The following COL2A1 variants were observed in gnomAD, a reference collection of about 807,000 sequenced individuals.
The protein encoded by COL2A1 is collagen alpha-1(II) chain.
COL2A1 carries 28 observed loss-of-function variants against 204.5 expected under a neutral mutation model. The ratio of observed to expected loss-of-function variants is 0.14; its 90% CI spans 0.10 to 0.19. The LOEUF is 0.19. Among genes scored for constraint, COL2A1 ranks in the 10% least tolerant of loss-of-function variants. The pLI is 1.00. For missense variants in COL2A1, 1,388 were observed against 2,027.5 expected, an observed-to-expected ratio of 0.68 and a Z score of 6.06; for synonymous variants, 708 against 718.7, an observed-to-expected ratio of 0.99 and a Z score of 0.24.
intron 1 of COL2A1, among the ~76,000 whole-genome samples, chr12:48,002,416 CTG>C (rs1319408779): frequency 5.3e-5 from 8 of 152,168 alleles, no homozygotes; most frequent in Non-Finnish European, 8.8e-5. Flanking sequence ...TTTGGGTCCG[CTG>C]ACCCCAGGCG....
intron 10 of COL2A1, 102 bp from the exon 11 acceptor site, chr12:47,995,410 T>C (rs1393665702): frequency 1.2e-5 from 13 of 1,051,136 alleles, no homozygotes; most frequent in Non-Finnish European, 1.9e-5. Flanking sequence ...AGTTCTTCTA[T>C]GAAGAAGAAA....
At chr12:48,002,313 T>C (rs1449876406) in intron 1 of COL2A1, among the ~76,000 whole-genome samples, 1 of 152,126 alleles carries the variant, frequency 6.6e-6, no homozygotes, top group Admixed American at 6.6e-5. Context: ...TTTCTCAAAC[T>C]CGTGGAAAGA....
rs1555165204 is a variant in COL2A1 at position 47,977,428 on chromosome 12, C to T, written c.3166-1G>A. On this transcript the variant is annotated splice_acceptor_variant, in intron 45 of 53. Transcript: ENST00000380518. LOFTEE classifies it high-confidence loss of function. The stretch of plus-strand genomic sequence containing the variant: ...CAGCACCAGTCTCACCACGATCACC[C>T]TGTCAGGAGAGAGGTCTCAGGCTCA... 1 of 1,612,018 alleles carries T rather than the reference C, an allele frequency of 6.2e-7. No individual in the cohort carries two copies. The highest frequency in any genetic ancestry group is 8.5e-7 in the Non-Finnish European group (1 of 1,178,600).
chr12:47,986,501 C>T (rs1939420651), intron 22 of COL2A1, 58 bp from the exon 23 acceptor site: 1 of 1,142,512 alleles, frequency 8.8e-7, no homozygotes. Context: ...TGGAGCAAGC[C>T]TCGACTCAGA....
intron 40 of COL2A1, 38 bp from the exon 41 acceptor site, chr12:47,979,602 C>A (rs1938924578): frequency 1.3e-6 from 2 of 1,569,576 alleles, no homozygotes; most frequent in African/African-American, 1.4e-5. Context: ...AACCTCAAGC[C>A]CTCAGGAGGT....
chr12:47,983,047 G>A (rs757726792), intron 32 of COL2A1, 46 bp downstream of exon 32: 2 of 1,611,384 alleles, frequency 1.2e-6, no homozygotes, highest in South Asian at 2.2e-5. Flanking sequence ...ATAGGACCCA[G>A]GGCAGGCCCA....
Position 47,974,175 on chromosome 12 carries a change from G to A in COL2A1, c.4231C>T (p.Leu1411=), listed in dbSNP as rs141906099. 5.6e-6 allele frequency: 9 copies of A among 1,614,116 alleles called. No individual in the cohort carries two copies. The highest frequency in any genetic ancestry group is 3.3e-4 in the Middle Eastern group (2 of 6,084). ...ACGTCATTGGAGCCCTGGATGAGCA[G>A]GGCCTTCTTGAGGTTGCCAGCTGCT... ...DEAAGNLKKA[L]LIQGSNDVEI... is the part of the protein sequence containing the mutation. Residue 1411 remains leucine (L), a synonymous_variant, in exon 53 of 54, where the codon CTG becomes TTG. Transcript: ENST00000380518.
intron 32 of COL2A1, 48 bp downstream of exon 32, chr12:47,983,045 C>T: frequency 1.2e-6 from 2 of 1,610,528 alleles, no homozygotes; most frequent in Non-Finnish European, 8.5e-7. Context: ...GCATAGGACC[C>T]AGGGCAGGCC....
At chr12:47,992,618 G>T (rs985982085) in intron 16 of COL2A1, among the ~76,000 whole-genome samples, 1 of 152,154 alleles carries the variant, frequency 6.6e-6, no homozygotes, top group East Asian at 1.9e-4. Context: ...GTGGGTGGTG[G>T]TTGTTGAAGG....
chr12:47,990,046 C>T lies in COL2A1; in HGVS notation c.1024-241G>A, dbSNP rs181764401. Among the ~76,000 whole-genome samples, 1,022 of 152,218 alleles carry T rather than the reference C, an allele frequency of 6.7e-3. 7 individuals are homozygous for T. Among genetic ancestry groups the T allele is most frequent in the Non-Finnish European group, 8.5e-3 (581 of 68,006 alleles). On this transcript the variant is annotated intron_variant, in intron 16 of 53. Coordinates refer to ENST00000380518, the MANE Select transcript of COL2A1 (RefSeq NM_001844.5). Reference sequence around the variant, plus strand: ...TTTTTGAGACGGAGTCTGGCTCTGTCGCCAGGCTGGAGTGCAGTGGTGCGG... The same window carrying T: ...TTTTTGAGACGGAGTCTGGCTCTGTTGCCAGGCTGGAGTGCAGTGGTGCGG...
chr12:47,979,636 C>CG, intron 40 of COL2A1, 72 bp from the exon 41 acceptor site: 2 of 673,248 alleles, frequency 3.0e-6, no homozygotes, highest in Non-Finnish European at 4.6e-6. Flanking sequence ...GGGCGGGGGG[C>CG]GGGGGTGGTC....
rs769267684 is a variant in COL2A1, at chr12:47,973,519, T to C, written c.4352A>G (p.Glu1451Gly). The C allele has an allele frequency of 8.7e-6, 14 of 1,613,996 alleles. No homozygotes were observed. The highest frequency in any genetic ancestry group is 1.2e-5 in the Non-Finnish European group (14 of 1,180,034). The change falls in exon 54 of 54, where the codon GAG becomes GGG. Residue 1451 changes from glutamate (E) to glycine (G), a missense_variant. Physicochemically the swap from Glu to Gly is moderately conservative, Grantham distance 98. Coordinates refer to ENST00000380518, the MANE Select transcript of COL2A1 (RefSeq NM_001844.5). ...HTGKWGKTVIEYRSQKTSRLP... is the reference protein window; with the variant it reads ...HTGKWGKTVIGYRSQKTSRLP... ...GCGTGAGGTCTTCTGTGACCGGTAC[T>C]CGATAACAGTCTTGCCCCACTTACC...
chr12:47,985,779 T>G lies in COL2A1; in HGVS notation c.1629A>C (p.Gly543=). ...RGPSGLAGPK[G]ANGDPGRPGE... is the part of the protein sequence containing the mutation. ...CAGGACGGCCAGGGTCACCGTTGGC[T>G]CCCTTGGGGCCAGCAAGACCACTGG... The change falls in exon 25 of 54, where the codon GGA becomes GGC. Residue 543 remains glycine, a synonymous_variant. Transcript: ENST00000380518. 1 of 1,613,514 alleles carries G rather than the reference T, an allele frequency of 6.2e-7. No individual in the cohort carries two copies. Among genetic ancestry groups the G allele is most frequent in the Non-Finnish European group, 8.5e-7 (1 of 1,179,798 alleles).
intron 1 of COL2A1, chr12:48,002,959 C>A (rs2136647396): frequency 6.6e-6 from 1 of 152,382 alleles, no homozygotes; most frequent in Non-Finnish European, 1.5e-5. Flanking sequence ...AGCCTGGTGG[C>A]AGGAGAGGGC....
intron 23 of COL2A1, among the ~76,000 whole-genome samples, 156 bp from the exon 24 acceptor site, chr12:47,986,121 C>T (rs567297368): frequency 3.3e-5 from 5 of 152,242 alleles, no homozygotes; most frequent in Middle Eastern, 6.8e-3. Context: ...GAGCCTGCCC[C>T]GCTTCCTGGG....
rs774792988 is a variant in COL2A1, at chr12:47,975,613, A to G, written c.3598-8T>C. 4 of 1,599,074 alleles carry G rather than the reference A, an allele frequency of 2.5e-6. No homozygotes were observed. The highest frequency in any genetic ancestry group is 2.2e-5 in the East Asian group (1 of 44,882). Reference sequence around the variant, plus strand: ...AGGATTTCCAGGAGGACCCTGCAGCAGGAAACAGAGAGATCAGCCAGGATT... The same window carrying G: ...AGGATTTCCAGGAGGACCCTGCAGCGGGAAACAGAGAGATCAGCCAGGATT... On this transcript the variant is annotated splice_polypyrimidine_tract_variant and splice_region_variant and intron_variant, in intron 50 of 53. Transcript: ENST00000380518.
At chr12:48,000,433 G>C (rs1405970018) in intron 1 of COL2A1, among the ~76,000 whole-genome samples, 1 of 152,158 alleles carries the variant, frequency 6.6e-6, no homozygotes, top group African/African-American at 2.4e-5. Flanking sequence ...TAATACGGGG[G>C]AGACCAGGTG....
intron 45 of COL2A1, 32 bp downstream of exon 45, chr12:47,977,568 A>C: frequency 6.2e-7 from 1 of 1,613,360 alleles, no homozygotes; most frequent in African/African-American, 1.3e-5. Flanking sequence ...GTCCTCCCCA[A>C]CCCACTGCAC....
At chr12:48,004,122 C>T (rs531128550) in intron 1 of COL2A1, 115 bp downstream of exon 1, 1 of 779,064 alleles carries the variant, frequency 1.3e-6, no homozygotes, top group South Asian at 1.5e-5. Flanking sequence ...CGCTACGACC[C>T]CGGGAGCCGT....
Sources: gnomAD v4.1 joint callset for allele counts (sites outside exome capture counted in the v4.1 genomes callset) on GRCh38, gnomAD v4.1.1 for gene constraint, MANE v1.5 for transcripts, NCBI Gene and HGNC (gene_info 2026-07-23, HGNC 2026-07-21) for gene names.